Variants in ANKRD44 observed in about 807,000 individuals in gnomAD.
The protein encoded by ANKRD44 is serine/threonine-protein phosphatase 6 regulatory ankyrin repeat subunit B.
ANKRD44 carries 35 observed loss-of-function variants against 116.0 expected under a neutral mutation model. The ratio of observed to expected loss-of-function variants is 0.30; its 90% CI spans 0.23 to 0.40. The LOEUF (loss-of-function observed/expected upper bound fraction) is 0.40, where lower values mean the gene tolerates loss of function less well. ANKRD44 is among the 10% of genes least tolerant of loss of function. ANKRD44 has a pLI of 1.00. For missense variants in ANKRD44, 1,014 were observed against 1,242.6 expected, an observed-to-expected ratio of 0.82 and a Z score of 2.77; for synonymous variants, 435 against 461.8, an observed-to-expected ratio of 0.94 and a Z score of 0.74.
chr2:197,187,677 T>TCTCC (rs2080717357), intron 1 of ANKRD44, among the ~76,000 whole-genome samples: 1 of 145,914 alleles, frequency 6.9e-6, no homozygotes, highest in Non-Finnish European at 1.5e-5. Context: ...TCTCTCTCTC[T>TCTCC]CCCTCTTCTT....
intron 8 of ANKRD44, among the ~76,000 whole-genome samples, chr2:197,119,143 ATTG>A (rs773536188): frequency 7.4e-4 from 109 of 148,256 alleles, no homozygotes; most frequent in Non-Finnish European, 1.4e-3. Flanking sequence ...TAGAGGTTTT[ATTG>A]TTGTTGTTTT....
At chr2:197,278,599 G>A (rs2083169440) in intron 1 of ANKRD44, among the ~76,000 whole-genome samples, 1 of 152,192 alleles carries the variant, frequency 6.6e-6, no homozygotes, top group African/African-American at 2.4e-5. Flanking sequence ...GCCTCCCAAA[G>A]TTCTGGGATT....
chr2:197,278,363 G>C (rs2083154845), intron 1 of ANKRD44, among the ~76,000 whole-genome samples: 2 of 151,830 alleles, frequency 1.3e-5, no homozygotes, highest in African/African-American at 4.8e-5. Flanking sequence ...CTTACTTTTT[G>C]TTTGTTTTGT....
At chr2:197,190,269 A>G (rs574406304) in intron 1 of ANKRD44, among the ~76,000 whole-genome samples, 1 of 152,198 alleles carries the variant, frequency 6.6e-6, no homozygotes, top group African/African-American at 2.4e-5. Context: ...CCCGTGGAAT[A>G]AAAAAGCAGC....
intron 1 of ANKRD44, among the ~76,000 whole-genome samples, chr2:197,294,184 G>C (rs921653479): frequency 2.6e-5 from 4 of 152,046 alleles, no homozygotes; most frequent in African/African-American, 9.7e-5. Context: ...TTAGGTACTC[G>C]GTCACTGTCC....
chr2:197,061,431 T>C (rs1366696108), intron 16 of ANKRD44, among the ~76,000 whole-genome samples: 1 of 152,178 alleles, frequency 6.6e-6, no homozygotes, highest in Non-Finnish European at 1.5e-5. Flanking sequence ...AGCAGTGTCT[T>C]TACTGGACAC....
intron 9 of ANKRD44, among the ~76,000 whole-genome samples, chr2:197,101,812 T>A (rs2078300206): frequency 6.6e-6 from 1 of 152,242 alleles, no homozygotes; most frequent in South Asian, 2.1e-4. Context: ...TTTACCTGAA[T>A]TTTTTACTGT....
At chr2:197,280,714 G>A (rs1332453960) in intron 1 of ANKRD44, among the ~76,000 whole-genome samples, 2 of 152,170 alleles carry the variant, frequency 1.3e-5, no homozygotes, top group Non-Finnish European at 2.9e-5. Context: ...GCCCATCAAA[G>A]AGTATTATTA....
At chr2:197,164,975 T>C (rs2080071030) in intron 2 of ANKRD44, among the ~76,000 whole-genome samples, 1 of 152,218 alleles carries the variant, frequency 6.6e-6, no homozygotes, top group African/African-American at 2.4e-5. Flanking sequence ...TAGATCCTCC[T>C]CTAAACTACT....
At chr2:196,969,983 T>C (rs748986404) in intron 21 of ANKRD44, among the ~76,000 whole-genome samples, 1 of 152,220 alleles carries the variant, frequency 6.6e-6, no homozygotes, top group Non-Finnish European at 1.5e-5. Flanking sequence ...GACTCAGTAA[T>C]TTTAAGATCC....
At chr2:197,217,850 C>A (rs2081485883) in intron 1 of ANKRD44, among the ~76,000 whole-genome samples, 1 of 152,126 alleles carries the variant, frequency 6.6e-6, no homozygotes, top group Non-Finnish European at 1.5e-5. Context: ...TGTGGTTCAG[C>A]ACAGAATACA....
intron 27 of ANKRD44, among the ~76,000 whole-genome samples, chr2:196,991,620 C>A (rs1411909725): frequency 6.6e-6 from 1 of 152,060 alleles, no homozygotes; most frequent in Admixed American, 6.6e-5. Flanking sequence ...ACTCTGTCAC[C>A]CAGGCTGGAT....
At chr2:197,114,404 C>T (rs1344402321) in intron 8 of ANKRD44, among the ~76,000 whole-genome samples, 1 of 152,068 alleles carries the variant, frequency 6.6e-6, no homozygotes, top group African/African-American at 2.4e-5. Flanking sequence ...CATAATCAAG[C>T]CCTAAGTCAT....
chr2:197,240,973 G>A (rs1409177479), intron 1 of ANKRD44, among the ~76,000 whole-genome samples: 1 of 151,794 alleles, frequency 6.6e-6, no homozygotes, highest in Non-Finnish European at 1.5e-5. Flanking sequence ...GCATCTTACT[G>A]AACATGAATA....
At chr2:197,080,156 T>C (rs1410953911) in intron 15 of ANKRD44, among the ~76,000 whole-genome samples, 2 of 152,248 alleles carry the variant, frequency 1.3e-5, no homozygotes, top group East Asian at 1.9e-4. Flanking sequence ...TCCCAATTTC[T>C]GAATGGATTA....
At position 197,249,759 on chromosome 2, in the gene ANKRD44, A is replaced by C. The variant is rs373167440; in HGVS notation, c.27+60819T>G. ...ATTTATCATGTTGATAATTAAAGCA[A>C]AAAAGTCCATCTACATTTTACTTTC... On this transcript the variant is annotated intron_variant, in intron 1 of 27. Coordinates refer to ENST00000282272, the MANE Select transcript of ANKRD44 (RefSeq NM_001195144.2). 1.9e-4 allele frequency among the ~76,000 whole-genome samples: 29 copies of C among 152,348 alleles called. No individual in the cohort carries two copies. In the South Asian group the frequency reaches 5.8e-3, roughly 30 times the overall value.
intron 21 of ANKRD44, among the ~76,000 whole-genome samples, chr2:196,968,691 C>A (rs1320967441): frequency 1.3e-5 from 2 of 152,194 alleles, no homozygotes; most frequent in African/African-American, 2.4e-5. Flanking sequence ...GGACATCATC[C>A]TTTGGACTCT....
At chr2:197,107,529 T>G (rs2078461274) in intron 9 of ANKRD44, among the ~76,000 whole-genome samples, 1 of 152,048 alleles carries the variant, frequency 6.6e-6, no homozygotes, top group Non-Finnish European at 1.5e-5. Context: ...TTTTTTTTCA[T>G]TATTGTCTTA....
chr2:197,041,554 C>T (rs2076912283), intron 16 of ANKRD44, among the ~76,000 whole-genome samples: 2 of 152,152 alleles, frequency 1.3e-5, no homozygotes, highest in South Asian at 4.1e-4. Flanking sequence ...CAGCAATTGC[C>T]TCTCTTCTCT....
Sources: allele counts gnomAD v4.1 joint callset (sites outside exome capture counted in the v4.1 genomes callset), GRCh38; gene constraint gnomAD v4.1.1; transcripts MANE v1.5; gene names NCBI Gene and HGNC (gene_info 2026-07-23, HGNC 2026-07-21).